The following SMPD3 variants were observed in gnomAD, a reference collection of about 807,000 sequenced individuals.
The protein encoded by SMPD3 is nSMase-2.
Under a neutral mutation model 55.7 loss-of-function variants are expected in SMPD3, and 21 were observed. The ratio of observed to expected loss-of-function variants is 0.38; its 90% CI spans 0.27 to 0.54. The LOEUF (loss-of-function observed/expected upper bound fraction) is 0.54. SMPD3 is among the 20% of genes least tolerant of loss of function. SMPD3 has a pLI of 0.80. For synonymous variants in SMPD3, 457 were observed against 404.3 expected (o/e 1.13, Z -1.56); for missense variants, 842 against 899.6 (o/e 0.94, Z 0.82).
At chr16:68,393,414 A>T (rs2090129501) in intron 1 of SMPD3, among the ~76,000 whole-genome samples, 1 of 152,212 alleles carries the variant, frequency 6.6e-6, no homozygotes, top group Non-Finnish European at 1.5e-5. Flanking sequence ...TCAAAAACAA[A>T]AAAAACAAAA....
At chr16:68,403,240 A>C (rs1221745345) in intron 1 of SMPD3, among the ~76,000 whole-genome samples, 1 of 152,106 alleles carries the variant, frequency 6.6e-6, no homozygotes, top group Non-Finnish European at 1.5e-5. Context: ...ATCACCACTT[A>C]ACTCATTATG....
intron 1 of SMPD3, among the ~76,000 whole-genome samples, chr16:68,397,033 T>C (rs1166201876): frequency 6.6e-6 from 1 of 152,178 alleles, no homozygotes; most frequent in Admixed American, 6.5e-5. Flanking sequence ...GTAGGTATTA[T>C]TGATCCCGTA....
intron 1 of SMPD3, among the ~76,000 whole-genome samples, chr16:68,389,225 G>C (rs1022918225): frequency 6.6e-6 from 1 of 152,206 alleles, no homozygotes; most frequent in Non-Finnish European, 1.5e-5. Flanking sequence ...AAAGTGGGCC[G>C]TTTACCTAGC....
intron 1 of SMPD3, among the ~76,000 whole-genome samples, chr16:68,441,328 A>T (rs1482434777): frequency 2.0e-5 from 3 of 152,220 alleles, no homozygotes; most frequent in African/African-American, 7.2e-5. Flanking sequence ...CTAATTGATT[A>T]CAGACCTACT....
chr16:68,361,764 C>G lies in SMPD3; in HGVS notation c.1710-5G>C, dbSNP rs936181761. ...CCCTCCTCACTCTCCAGGACCCTGT[C>G]CACACATGCAGGAGGCAGGTGGGCC... On this transcript the variant is annotated splice_region_variant and splice_polypyrimidine_tract_variant and intron_variant, in intron 7 of 8. Coordinates refer to ENST00000219334, the MANE Select transcript of SMPD3 (RefSeq NM_018667.4). 1 of 1,611,768 alleles carries G rather than the reference C, an allele frequency of 6.2e-7. No homozygotes were observed. Among genetic ancestry groups the G allele is most frequent in the African/African-American group, 1.3e-5 (1 of 75,062 alleles).
chr16:68,372,513 C>A (rs35189054), intron 2 of SMPD3, 126 bp from the exon 3 acceptor site: 3 of 403,392 alleles, frequency 7.4e-6, no homozygotes, highest in Non-Finnish European at 1.4e-5. Context: ...TTCTGAGAAC[C>A]AGGCTGGAGC....
intron 1 of SMPD3, among the ~76,000 whole-genome samples, chr16:68,398,540 C>A (rs2152009535): frequency 6.6e-6 from 1 of 152,286 alleles, no homozygotes; most frequent in East Asian, 1.9e-4. Context: ...CCAGAAACCA[C>A]CAAAAAGCTG....
chr16:68,396,988 A>G (rs546580222), intron 1 of SMPD3, among the ~76,000 whole-genome samples: 3 of 152,274 alleles, frequency 2.0e-5, no homozygotes, highest in Non-Finnish European at 4.4e-5. Context: ...TCCCTGCACA[A>G]CGTCTTGTTT....
intron 6 of SMPD3, 81 bp from the exon 7 acceptor site, chr16:68,363,640 A>T (rs2089384775): frequency 6.8e-7 from 1 of 1,473,578 alleles, no homozygotes; most frequent in African/African-American, 1.4e-5. Flanking sequence ...GTGGGTGGAC[A>T]CGGGCTTCTG....
At chr16:68,377,067 T>TG (rs1304443215) in intron 2 of SMPD3, among the ~76,000 whole-genome samples, 2 of 152,126 alleles carry the variant, frequency 1.3e-5, no homozygotes, top group African/African-American at 2.4e-5. Flanking sequence ...GGCACGGTTC[T>TG]GGGGGTCACT....
rs189834425 is a variant in SMPD3 at position 68,426,948 on chromosome 16, C to A, written c.-269+21405G>T. ...AGGAGACTGAGGCTTCCTAGGTCCA[C>A]TCAGCAGCCTATTTTAAATCAGAGA... On this transcript the variant is annotated intron_variant, in intron 1 of 8. Transcript: ENST00000219334. 1.1e-3 allele frequency among the ~76,000 whole-genome samples: 167 copies of A among 151,492 alleles called. 1 individual carries two copies. The highest frequency in any genetic ancestry group is 6.8e-3 in the Middle Eastern group (2 of 292).
intron 5 of SMPD3, 135 bp downstream of exon 5, chr16:68,364,616 C>T (rs2089419513): frequency 1.0e-6 from 1 of 1,002,234 alleles, no homozygotes; most frequent in Admixed American, 2.5e-5. Flanking sequence ...AGAAATCAGT[C>T]TTGCTAAATA....
At position 68,371,422 on chromosome 16, in the gene SMPD3, G is replaced by T. The variant is rs753864423; in HGVS notation, c.760C>A (p.Arg254=). ...ACAGGGTCGTCAGCTTCAGGTGGCCGGCCGCCCTCCTCGCCACCGATGCGC... is the reference window on the plus strand; with the variant it reads ...ACAGGGTCGTCAGCTTCAGGTGGCCTGCCGCCCTCCTCGCCACCGATGCGC... The part of the protein sequence containing the change: ...IVRIGGEEGG[R]PPEADDPVPG... Residue 254 remains arginine (R), a synonymous_variant, in exon 3 of 9, where the codon CGG becomes AGG. Transcript: ENST00000219334. 8.9e-6 allele frequency: 14 copies of T among 1,572,302 alleles called. No homozygotes were observed. The highest frequency in any genetic ancestry group is 1.2e-5 in the Non-Finnish European group (14 of 1,167,290).
At chr16:68,442,889 T>A (rs1310697014) in intron 1 of SMPD3, among the ~76,000 whole-genome samples, 4 of 152,294 alleles carry the variant, frequency 2.6e-5, no homozygotes, top group South Asian at 4.2e-4. Flanking sequence ...GGAAAAGCAG[T>A]AGCAGCCTTT....
chr16:68,376,429 T>A (rs2089816754), intron 2 of SMPD3, among the ~76,000 whole-genome samples: 1 of 152,228 alleles, frequency 6.6e-6, no homozygotes, highest in Non-Finnish European at 1.5e-5. Context: ...ACTGGCAAGT[T>A]TGCCAAGTAG....
intron 2 of SMPD3, among the ~76,000 whole-genome samples, chr16:68,374,185 C>T (rs1190103813): frequency 2.6e-5 from 4 of 152,208 alleles, no homozygotes; most frequent in Admixed American, 2.6e-4. Context: ...GGAGGTTCAC[C>T]TGGATGCCTC....
intron 1 of SMPD3, among the ~76,000 whole-genome samples, chr16:68,398,670 G>C (rs1187477550): frequency 1.3e-5 from 2 of 152,212 alleles, no homozygotes; most frequent in Non-Finnish European, 2.9e-5. Flanking sequence ...TCAGTTCAAA[G>C]TTGGTTTTTG....
At chr16:68,418,614 G>A (rs954729410) in intron 1 of SMPD3, among the ~76,000 whole-genome samples, 3 of 152,212 alleles carry the variant, frequency 2.0e-5, no homozygotes, top group Non-Finnish European at 4.4e-5. Flanking sequence ...CCTGCAGGCA[G>A]CAGAGGAGGA....
chr16:68,391,330 T>C (rs138827724), intron 1 of SMPD3, among the ~76,000 whole-genome samples: 67 of 152,316 alleles, frequency 4.4e-4, no homozygotes, highest in African/African-American at 1.6e-3. Context: ...ATGAAGCCCA[T>C]TCATCTGCCA....
Sources: allele counts gnomAD v4.1 joint callset (sites outside exome capture counted in the v4.1 genomes callset), GRCh38; gene constraint gnomAD v4.1.1; transcripts MANE v1.5; gene names NCBI Gene and HGNC (gene_info 2026-07-23, HGNC 2026-07-21).